Variants in MC2R observed in about 807,000 individuals in gnomAD.
MC2R encodes the protein melanocortin 2 receptor.
In MC2R, 9 loss-of-function variants were observed where a neutral mutation model predicts 9.8. The ratio of observed to expected loss-of-function variants is 0.92; its 90% CI spans 0.55 to 1.60. The LOEUF (loss-of-function observed/expected upper bound fraction) is 1.60, where lower values mean the gene tolerates loss of function less well. Ranked by LOEUF, MC2R falls within the 40% of genes most tolerant of loss-of-function variation. The pLI, the probability that MC2R is intolerant of heterozygous loss-of-function variation, is 0.00. For synonymous variants in MC2R, 185 were observed against 154.7 expected (o/e 1.20, Z -1.45); for missense variants, 370 against 389.0 (o/e 0.95, Z 0.41).
chr18:13,884,872 T>C lies in MC2R; in HGVS notation c.647A>G (p.Lys216Arg). Residue 216 changes from lysine to arginine, a missense_variant, in exon 2 of 2, where the codon AAA (lysine) becomes AGA (arginine). Physicochemically the swap from Lys to Arg is conservative, Grantham distance 26. Coordinates refer to ENST00000327606, the MANE Select transcript of MC2R (RefSeq NM_000529.2). ...CAGGATGGTCAGTGTGATGGCCCCT[T>C]TCATGTTGGCTCTGGGGAGGGTGGA... is the stretch of plus-strand genomic sequence containing the variant. ...KISTLPRANM[K>R]GAITLTILLG... 1.2e-6 allele frequency: 2 copies of C among 1,613,996 alleles called. No individual in the cohort carries two copies. Among genetic ancestry groups the C allele is most frequent in the Non-Finnish European group, 1.7e-6 (2 of 1,179,990 alleles).
At chr18:13,892,805 T>TAC (rs34352644) in intron 1 of MC2R, among the ~76,000 whole-genome samples, 14,552 of 147,024 alleles carry the variant, frequency 0.099, 708 homozygotes, top group African/African-American at 0.13. Context: ...CATAATCTGT[T>TAC]ACACACACAC....
At chr18:13,887,453 C>T (rs111399385) in intron 1 of MC2R, among the ~76,000 whole-genome samples, 5 of 140,250 alleles carry the variant, frequency 3.6e-5, no homozygotes, top group South Asian at 4.7e-4. Flanking sequence ...GTGTGCTGTG[C>T]CCCACCTGCT....
Position 13,883,609 on chromosome 18 carries a change from ACACACACACACACACACACTCTCTCT to A in MC2R, c.*990_*1015del, listed in dbSNP as rs1384262607. Reference sequence around the variant, plus strand: ...CACACACACACACACACACACACACACACACACACACACACACACTCTCTCTCTCTCTCTCTCTCTCTCTCTCTGTC... The same window carrying A: ...CACACACACACACACACACACACACACTCTCTCTCTCTCTCTCTCTCTGTC... On this transcript the variant is annotated 3_prime_UTR_variant, in exon 2 of 2. Coordinates refer to ENST00000327606, the MANE Select transcript of MC2R (RefSeq NM_000529.2). 6.5e-4 allele frequency: 67 copies of A among 102,984 alleles called. No individual in the cohort carries two copies. The highest frequency in any genetic ancestry group is 2.6e-3 in the African/African-American group (63 of 24,616). The allele number at this position is 102,984 out of a possible 1,614,324, so 6.4% of individuals were successfully genotyped here.
chr18:13,898,507 GC>G (rs34891716), intron 1 of MC2R, among the ~76,000 whole-genome samples: 1 of 152,224 alleles, frequency 6.6e-6, no homozygotes, highest in East Asian at 1.9e-4. Context: ...GGATTGTAGA[GC>G]CCCAGGGCCT....
chr18:13,902,422 A>G (rs2045385756), intron 1 of MC2R, among the ~76,000 whole-genome samples: 1 of 152,160 alleles, frequency 6.6e-6, no homozygotes, highest in African/African-American at 2.4e-5. Context: ...CAGGAATCAC[A>G]TTACCTGACT....
rs369830440 is a variant in MC2R at position 13,885,084 on chromosome 18, G to A, written c.435C>T (p.Arg145=). The A allele has an allele frequency of 1.3e-4, 213 of 1,614,156 alleles. No homozygotes were observed. The highest frequency in any genetic ancestry group is 1.4e-4 in the Non-Finnish European group (170 of 1,180,044). Residue 145 remains arginine, a synonymous_variant, in exon 2 of 2, where the codon CGC becomes CGT. Transcript: ENST00000327606. ...TGACCGTAAGCACCACCACAGTGCG[G>A]CGCATGGTCACGATGCTGTGGTACC... is the stretch of plus-strand genomic sequence containing the variant. The part of the protein sequence containing the change: ...ALRYHSIVTM[R]RTVVVLTVIW...
chr18:13,902,065 C>T (rs1190437482), intron 1 of MC2R, among the ~76,000 whole-genome samples: 1 of 151,952 alleles, frequency 6.6e-6, no homozygotes, highest in Non-Finnish European at 1.5e-5. Context: ...GGGATTTTTT[C>T]CCTAGGATGC....
intron 1 of MC2R, among the ~76,000 whole-genome samples, chr18:13,897,428 G>A (rs1286414882): frequency 6.6e-6 from 1 of 152,116 alleles, no homozygotes; most frequent in Non-Finnish European, 1.5e-5. Context: ...ACTTGAAAAG[G>A]CAGTCTAGAC....
rs549700620 is a variant in MC2R at position 13,883,477 on chromosome 18, C to T, written c.*1148G>A. On this transcript the variant is annotated 3_prime_UTR_variant, in exon 2 of 2. Coordinates refer to ENST00000327606, the MANE Select transcript of MC2R (RefSeq NM_000529.2). ...ATCTGCAGAATGAGGTGGTGTTTGC[C>T]TCCCTCAGGTCTTTGACTTGGGGCT... The T allele has an allele frequency of 5.9e-5, 9 of 152,218 alleles. No individual in the cohort carries two copies. In the East Asian group the frequency reaches 1.7e-3, roughly 29 times the overall value. The allele number at this position is 152,218 out of a possible 1,614,324, so 9.4% of individuals were successfully genotyped here.
intron 1 of MC2R, among the ~76,000 whole-genome samples, chr18:13,896,271 A>T (rs1055656428): frequency 3.9e-5 from 6 of 152,216 alleles, no homozygotes; most frequent in African/African-American, 1.4e-4. Context: ...AAATCAAAAA[A>T]GTAGCACAGG....
rs375981342 is a variant in MC2R, at chr18:13,891,070, G to C, written c.-128-5424C>G. Among the ~76,000 whole-genome samples, 6 of 152,286 alleles carry C rather than the reference G, an allele frequency of 3.9e-5. No individual in the cohort carries two copies. The South Asian group carries it at 8.3e-4, about 21-fold the overall frequency. On this transcript the variant is annotated intron_variant, in intron 1 of 1. Coordinates refer to ENST00000327606, the MANE Select transcript of MC2R (RefSeq NM_000529.2). ...GCCAAAGCTGCCCATGAATATTGGT[G>C]GGGGAGGGATTTGGAAAACTGGGCT...
intron 1 of MC2R, among the ~76,000 whole-genome samples, chr18:13,896,207 G>A (rs1036215705): frequency 6.6e-6 from 1 of 152,304 alleles, no homozygotes. Context: ...GATTCTCAAT[G>A]TAAAGGGATG....
rs2045284803 is a variant in MC2R at position 13,887,576 on chromosome 18, G to A, written c.-128-1930C>T. Reference sequence around the variant, plus strand: ...GAGACAGTGTTCTAGGTGTGTCTGAGGGTGTTTCTGGGTGAGATGCACATT... The same window carrying A: ...GAGACAGTGTTCTAGGTGTGTCTGAAGGTGTTTCTGGGTGAGATGCACATT... On this transcript the variant is annotated intron_variant, in intron 1 of 1. Transcript: ENST00000327606. Among the ~76,000 whole-genome samples the A allele has an allele frequency of 2.0e-5, 3 of 152,226 alleles. No individual in the cohort carries two copies. The South Asian group carries it at 6.2e-4, about 32-fold the overall frequency.
In MC2R at chr18:13,907,916, C is replaced by T. The variant is rs374415189; in HGVS notation, c.-129+7572G>A. Among the ~76,000 whole-genome samples the T allele has an allele frequency of 8.5e-5, 13 of 152,162 alleles. 1 individual carries two copies. Among genetic ancestry groups the T allele is most frequent in the East Asian group, 7.7e-4 (4 of 5,184 alleles). On this transcript the variant is annotated intron_variant, in intron 1 of 1. Coordinates refer to ENST00000327606, the MANE Select transcript of MC2R (RefSeq NM_000529.2). ...GAGGATGTGGAGAAAGAGGAACCCCCGTACACTGTTGGTGGGAAGGTCAAC... is the reference window on the plus strand; with the variant it reads ...GAGGATGTGGAGAAAGAGGAACCCCTGTACACTGTTGGTGGGAAGGTCAAC...
At chr18:13,895,030 G>A (rs1265998434) in intron 1 of MC2R, among the ~76,000 whole-genome samples, 1 of 152,210 alleles carries the variant, frequency 6.6e-6, no homozygotes, top group East Asian at 1.9e-4. Context: ...GCCGGGCAGT[G>A]CCCTGAAAGG....
chr18:13,909,872 A>C (rs1287738077), intron 1 of MC2R, among the ~76,000 whole-genome samples: 1 of 152,236 alleles, frequency 6.6e-6, no homozygotes, highest in Non-Finnish European at 1.5e-5. Context: ...TGGTATTAGA[A>C]ACCAAGATCA....
intron 1 of MC2R, among the ~76,000 whole-genome samples, chr18:13,904,763 C>G (rs1309984446): frequency 1.3e-5 from 2 of 152,160 alleles, no homozygotes; most frequent in African/African-American, 4.8e-5. Context: ...ACCATCTGAT[C>G]TTTGACAAAC....
At position 13,913,506 on chromosome 18, in the gene MC2R, C is replaced by T. The variant is rs542142932; in HGVS notation, c.-129+1982G>A. ...TGCTGCTAGCACAGCGCTTGGCACA[C>T]GCATATTTTGAGTTGAGAACTTACT... On this transcript the variant is annotated intron_variant, in intron 1 of 1. Coordinates refer to ENST00000327606, the MANE Select transcript of MC2R (RefSeq NM_000529.2). 8.5e-5 allele frequency among the ~76,000 whole-genome samples: 13 copies of T among 152,324 alleles called. No homozygotes were observed. In the South Asian group the frequency reaches 1.2e-3, roughly 15 times the overall value.
intron 1 of MC2R, among the ~76,000 whole-genome samples, chr18:13,904,620 A>AGTAACCAAAAC (rs2045401796): frequency 6.6e-6 from 1 of 152,198 alleles, no homozygotes; most frequent in African/African-American, 2.4e-5. Context: ...ACTATACTAC[A>AGTAACCAAAAC]AGGCTACAGT....
Sources: allele counts gnomAD v4.1 joint callset (sites outside exome capture counted in the v4.1 genomes callset), GRCh38; gene constraint gnomAD v4.1.1; transcripts MANE v1.5; gene names NCBI Gene and HGNC (gene_info 2026-07-23, HGNC 2026-07-21).